The following MAP4K4 variants were observed in gnomAD, a reference collection of about 807,000 sequenced individuals.
MAP4K4 encodes the protein mitogen-activated protein kinase kinase kinase kinase 4, also known as HPK/GCK-like kinase HGK.
In MAP4K4, 38 loss-of-function variants were observed where a neutral mutation model predicts 189.6. The ratio of observed to expected loss-of-function variants is 0.20; its 90% CI spans 0.15 to 0.26. The LOEUF is 0.26. MAP4K4 is among the 10% of genes least tolerant of loss of function. MAP4K4 has a pLI of 1.00. For missense variants in MAP4K4, 1,054 were observed against 1,726.9 expected (o/e 0.61, Z 6.91); for synonymous variants, 610 against 624.3 (o/e 0.98, Z 0.34).
At chr2:101,747,408 A>G (rs1201447388) in intron 2 of MAP4K4, among the ~76,000 whole-genome samples, 2 of 152,134 alleles carry the variant, frequency 1.3e-5, no homozygotes, top group African/African-American at 2.4e-5. Context: ...GTGAGTCACC[A>G]TGCCCGGCCT....
At chr2:101,885,793 A>G (rs567582393) in intron 29 of MAP4K4, among the ~76,000 whole-genome samples, 38 of 152,358 alleles carry the variant, frequency 2.5e-4, no homozygotes, top group African/African-American at 8.7e-4. Context: ...AAACTCAGCT[A>G]TAACATCTGA....
intron 2 of MAP4K4, among the ~76,000 whole-genome samples, chr2:101,737,651 TC>T (rs2060991922): frequency 6.6e-6 from 1 of 151,432 alleles, no homozygotes; most frequent in Non-Finnish European, 1.5e-5. Context: ...GATAATCTGT[TC>T]CCTTTCCATT....
intron 2 of MAP4K4, among the ~76,000 whole-genome samples, chr2:101,766,952 T>A (rs149499767): frequency 1.3e-3 from 192 of 152,282 alleles, no homozygotes; most frequent in African/African-American, 4.5e-3. Context: ...AAAGGCCTGG[T>A]TACAGAATTT....
At chr2:101,772,581 C>T (rs555344913) in intron 2 of MAP4K4, among the ~76,000 whole-genome samples, 2 of 152,272 alleles carry the variant, frequency 1.3e-5, no homozygotes, top group South Asian at 2.1e-4. Flanking sequence ...GAAAAGTTAT[C>T]GCTGATTTTC....
At chr2:101,878,016 T>G (rs2098264899) in intron 27 of MAP4K4, among the ~76,000 whole-genome samples, 1 of 152,238 alleles carries the variant, frequency 6.6e-6, no homozygotes. Flanking sequence ...CCCAGAGTGC[T>G]GGGATTATAG....
At chr2:101,839,567 C>T (rs1316813254) in intron 9 of MAP4K4, among the ~76,000 whole-genome samples, 1 of 152,138 alleles carries the variant, frequency 6.6e-6, no homozygotes, top group Non-Finnish European at 1.5e-5. Flanking sequence ...TAAATCTGAC[C>T]TCCTTGTTAG....
chr2:101,805,735 G>C lies in MAP4K4; in HGVS notation c.180+14959G>C, dbSNP rs1265812546. ...ACTGCAGGAGTCCTGAGAAAGAGCA[G>C]ATGACGTTGCTGGCGTGTGATGACT... On this transcript the variant is annotated intron_variant, in intron 3 of 32. Coordinates refer to ENST00000324219, the Ensembl canonical transcript of MAP4K4. 2.0e-5 allele frequency among the ~76,000 whole-genome samples: 3 copies of C among 152,226 alleles called. No homozygotes were observed. In the East Asian group the frequency reaches 5.8e-4, roughly 29 times the overall value.
chr2:101,792,584 ACCTTCTCCT>A (rs1212235901), intron 3 of MAP4K4, among the ~76,000 whole-genome samples: 4 of 135,406 alleles, frequency 3.0e-5, no homozygotes, highest in African/African-American at 9.7e-5. Context: ...ACTTACTGCC[ACCTTCTCCT>A]CCTTCTCCTC....
exon 33 of MAP4K4, chr2:101,894,500 A>G (rs549365858): frequency 4.1e-4 from 63 of 152,886 alleles, no homozygotes; most frequent in African/African-American, 1.4e-3. Context: ...AATTTTGCCA[A>G]TTATTAATTT....
At chr2:101,769,324 A>T (rs982660132) in intron 2 of MAP4K4, among the ~76,000 whole-genome samples, 9 of 152,204 alleles carry the variant, frequency 5.9e-5, no homozygotes, top group Non-Finnish European at 1.2e-4. Context: ...AATATTCAGC[A>T]AGGTAAGGTC....
chr2:101,873,640 A>G lies in MAP4K4; in HGVS notation c.2953-7A>G. 1 of 1,474,980 alleles carries G rather than the reference A, an allele frequency of 6.8e-7. No homozygotes were observed. The highest frequency in any genetic ancestry group is 9.5e-7 in the Non-Finnish European group (1 of 1,056,046). The allele number at this position is 1,474,980 out of a possible 1,614,324, so 91.4% of individuals were successfully genotyped here. ...TTGTATTAATAACATTGAAATTTAC[A>G]TTGCAGACTCAGTCCGCTAGTAGCA... On this transcript the variant is annotated splice_polypyrimidine_tract_variant and splice_region_variant and intron_variant, in intron 24 of 32. Transcript: ENST00000324219.
chr2:101,888,924 C>T lies in MAP4K4; in HGVS notation c.4060C>T (p.Arg1354Cys). 2 of 1,611,190 alleles carry T rather than the reference C, an allele frequency of 1.2e-6. No homozygotes were observed. The highest frequency in any genetic ancestry group is 1.7e-6 in the Non-Finnish European group (2 of 1,178,950). Residue 1354 changes from arginine to cysteine, a missense_variant, in exon 32 of 33, where the codon CGC (arginine) becomes TGC (cysteine). Physicochemically the swap from Arg to Cys is radical, Grantham distance 180 (BLOSUM62 -3). Around this residue, in one of 4 missense-constraint regions of MAP4K4, gnomAD observed 189 missense variants for 405.7 expected, o/e 0.47. Coordinates refer to ENST00000324219, the Ensembl canonical transcript of MAP4K4. The stretch of plus-strand genomic sequence containing the variant: ...TCAAAGACTAAAATTCTTGTGTGAA[C>T]GCAATGACAAGGTAATAGTTCCCTT...
chr2:101,748,271 G>T (rs1276949263), intron 2 of MAP4K4, among the ~76,000 whole-genome samples: 1 of 152,150 alleles, frequency 6.6e-6, no homozygotes, highest in Middle Eastern at 3.2e-3. Flanking sequence ...ATTTCCATTT[G>T]CACATCTTCA....
intron 2 of MAP4K4, among the ~76,000 whole-genome samples, chr2:101,723,756 C>A (rs901901344): frequency 3.9e-5 from 6 of 152,170 alleles, no homozygotes; most frequent in African/African-American, 1.4e-4. Context: ...AAACCATAAA[C>A]TGGTTTGATG....
chr2:101,855,011 C>T (rs2097403412), intron 12 of MAP4K4, among the ~76,000 whole-genome samples: 1 of 152,206 alleles, frequency 6.6e-6, no homozygotes, highest in Non-Finnish European at 1.5e-5. Flanking sequence ...AGTGCAGAGA[C>T]AGAACATTTT....
At chr2:101,887,639 T>C in intron 30 of MAP4K4, 139 bp from the exon 31 acceptor site, 1 of 619,104 alleles carries the variant, frequency 1.6e-6, no homozygotes, top group Non-Finnish European at 2.7e-6. Context: ...GCATGACTAT[T>C]CTAAAATGTT....
intron 2 of MAP4K4, among the ~76,000 whole-genome samples, chr2:101,749,159 C>CT (rs2067219608): frequency 6.7e-6 from 1 of 150,282 alleles, no homozygotes; most frequent in Non-Finnish European, 1.5e-5. Flanking sequence ...GAAAAAACTA[C>CT]TTTAAAGTTC....
chr2:101,831,575 G>A, intron 6 of MAP4K4, 146 bp from the exon 7 acceptor site: 1 of 840,312 alleles, frequency 1.2e-6, no homozygotes, highest in Non-Finnish European at 1.9e-6. Context: ...GACCAGTGGT[G>A]CCTGCCTTGA....
chr2:101,707,323 C>T (rs568866763), intron 2 of MAP4K4, among the ~76,000 whole-genome samples: 24 of 151,868 alleles, frequency 1.6e-4, no homozygotes, highest in African/African-American at 5.6e-4. Context: ...ATTCTCTTGC[C>T]TCAGCCTCCC....
Sources: gnomAD v4.1 joint callset for allele counts (sites outside exome capture counted in the v4.1 genomes callset) on GRCh38, gnomAD v4.1.1 for gene constraint, gnomAD v4.1.1 regional missense constraint, MANE v1.5 for transcripts, NCBI Gene and HGNC (gene_info 2026-07-23, HGNC 2026-07-21) for gene names.